FANCB: variants seen among roughly 807,000 people sequenced by gnomAD.
The protein encoded by FANCB is Fanconi anemia group B protein.
In FANCB, 5 loss-of-function variants were observed where a neutral mutation model predicts 38.9. The observed-to-expected ratio is 0.13, with a 90% CI of 0.07 to 0.27. The LOEUF is 0.27. FANCB is among the 10% of genes least tolerant of loss of function. The pLI is 1.00. For synonymous variants in FANCB, 236 were observed against 215.4 expected (o/e 1.10, Z -0.84); for missense variants, 573 against 602.7 (o/e 0.95, Z 0.52).
the FANCB span, among the ~76,000 whole-genome samples, chrX:14,812,439 G>C: frequency 9.1e-6 from 1 of 110,025 alleles, no homozygotes; most frequent in Non-Finnish European, 1.9e-5. Flanking sequence ...AAGAAGAAAA[G>C]AGAGAAGAAT....
chrX:14,810,492 C>T, the FANCB span, among the ~76,000 whole-genome samples: 1 of 112,096 alleles, frequency 8.9e-6, no homozygotes, highest in Admixed American at 9.5e-5. Flanking sequence ...GAGCTGAAAG[C>T]CAAGGCTCGA....
At chrX:14,751,364 A>G in the FANCB span, among the ~76,000 whole-genome samples, 3 of 112,466 alleles carry the variant, frequency 2.7e-5, no homozygotes, top group Non-Finnish European at 5.6e-5. Flanking sequence ...ACAAGCATAT[A>G]TTGAGCAGAA....
chrX:14,826,907 T>TA, the FANCB span, among the ~76,000 whole-genome samples: 1 of 111,987 alleles, frequency 8.9e-6, no homozygotes, highest in Admixed American at 9.5e-5. Flanking sequence ...TTCTTTTTTT[T>TA]ACATTTGAAA....
At chrX:14,711,853 T>C in the FANCB span, among the ~76,000 whole-genome samples, 1 of 112,378 alleles carries the variant, frequency 8.9e-6, no homozygotes, top group Non-Finnish European at 1.9e-5. Context: ...TTCCCTATCC[T>C]TGGAAACTTA....
At position 14,865,558 on chromosome X, in the gene FANCB, G is replaced by T; in HGVS notation, c.-48C>A. The T allele has an allele frequency of 2.1e-6, 2 of 956,505 alleles. No homozygotes were observed. Among genetic ancestry groups the T allele is most frequent in the Non-Finnish European group, 3.0e-6 (2 of 674,317 alleles). 78.8% of individuals were successfully genotyped at this position (956,505 alleles called of 1,213,427 possible). A position where few individuals can be genotyped will look rare whatever the true frequency, so the allele number is the denominator to read the frequency against. On this transcript the variant is annotated 5_prime_UTR_variant, in exon 3 of 10. Transcript: ENST00000650831. ...CTGATCTAATTTTCAAATGCAAATTGATTCCAGTTGATGTTTCTAAACCTA... is the reference window on the plus strand; with the variant it reads ...CTGATCTAATTTTCAAATGCAAATTTATTCCAGTTGATGTTTCTAAACCTA...
At chrX:14,802,269 G>A in the FANCB span, among the ~76,000 whole-genome samples, 1 of 111,420 alleles carries the variant, frequency 9.0e-6, no homozygotes, top group South Asian at 3.8e-4. Context: ...CAGGGTACAT[G>A]AAATGAATGC....
At chrX:14,740,716 T>C in the FANCB span, among the ~76,000 whole-genome samples, 15 of 111,713 alleles carry the variant, frequency 1.3e-4, no homozygotes, top group South Asian at 5.6e-3. Flanking sequence ...ATTTGGCCTA[T>C]AGACAGTACA....
At chrX:14,828,234 G>A in the FANCB span, among the ~76,000 whole-genome samples, 1 of 111,805 alleles carries the variant, frequency 8.9e-6, no homozygotes, top group African/African-American at 3.3e-5. Flanking sequence ...GCTGAATGTT[G>A]AGGTGGCTGT....
At chrX:14,727,468 C>A in the FANCB span, among the ~76,000 whole-genome samples, 5 of 112,174 alleles carry the variant, frequency 4.5e-5, no homozygotes, top group African/African-American at 1.6e-4. Flanking sequence ...TGGTTGAGAT[C>A]TAATTACCAA....
At chrX:14,701,193 C>T in the FANCB span, among the ~76,000 whole-genome samples, 2 of 110,646 alleles carry the variant, frequency 1.8e-5, no homozygotes, top group Non-Finnish European at 3.8e-5. Flanking sequence ...AATACATCAC[C>T]AGGAACCCAC....
At position 14,848,046 on chromosome X, in the gene FANCB, A is replaced by G. The variant is rs1324893478; in HGVS notation, c.1496+2459T>C. On this transcript the variant is annotated intron_variant, in intron 7 of 9. Transcript: ENST00000650831. ...CTGTAACTATTAAAGAAATTGAATC[A>G]GTAGTTAAAAGTCACCTCACAAAGA... Among the ~76,000 whole-genome samples the G allele has an allele frequency of 1.8e-5, 2 of 112,363 alleles. 1 individual carries two copies. The highest frequency in any genetic ancestry group is 1.9e-4 in the Admixed American group (2 of 10,658).
At chrX:14,821,334 A>C in the FANCB span, among the ~76,000 whole-genome samples, 1 of 111,872 alleles carries the variant, frequency 8.9e-6, no homozygotes, top group Non-Finnish European at 1.9e-5. Flanking sequence ...TATGTGTCTT[A>C]ATTACAGAAA....
At chrX:14,711,613 T>A in the FANCB span, among the ~76,000 whole-genome samples, 3 of 112,584 alleles carry the variant, frequency 2.7e-5, no homozygotes, top group South Asian at 1.1e-3. Flanking sequence ...TGCTAACATT[T>A]ATTGAGCATA....
downstream of FANCB, among the ~76,000 whole-genome samples, chrX:14,839,375 A>C (rs1409283020): frequency 9.0e-6 from 1 of 111,502 alleles, no homozygotes; most frequent in Non-Finnish European, 1.9e-5. Context: ...TCAGATATCT[A>C]AGAAACACAC....
the FANCB span, among the ~76,000 whole-genome samples, chrX:14,823,022 C>G: frequency 9.2e-6 from 1 of 108,620 alleles, no homozygotes; most frequent in Non-Finnish European, 1.9e-5. Flanking sequence ...ATTAATATCG[C>G]TATGCTAGTT....
the FANCB span, among the ~76,000 whole-genome samples, chrX:14,829,094 C>CA: frequency 0.023 from 2,516 of 111,464 alleles, 64 homozygotes; most frequent in African/African-American, 0.078. Context: ...AGATAATTTT[C>CA]AATTTACCCA....
chrX:14,844,003 A>G, intron 9 of FANCB, 22 bp from the exon 10 acceptor site: 1 of 1,179,889 alleles, frequency 8.5e-7, no homozygotes, highest in Non-Finnish European at 1.2e-6. Flanking sequence ...AAACAAACAA[A>G]ATATTACAAA....
At chrX:14,697,787 A>G in the FANCB span, among the ~76,000 whole-genome samples, 3 of 112,203 alleles carry the variant, frequency 2.7e-5, no homozygotes, top group Non-Finnish European at 5.6e-5. Context: ...CTGTACACAT[A>G]AAAAGGAAAG....
chrX:14,796,661 TACACACAC>T, the FANCB span, among the ~76,000 whole-genome samples: 1 of 87,585 alleles, frequency 1.1e-5, no homozygotes, highest in Non-Finnish European at 2.2e-5. Flanking sequence ...AGTGCATATA[TACACACAC>T]ACACACACAC....
Sources: gnomAD v4.1 joint callset for allele counts (sites outside exome capture counted in the v4.1 genomes callset) on GRCh38, gnomAD v4.1.1 for gene constraint, MANE v1.5 for transcripts, NCBI Gene and HGNC (gene_info 2026-07-23, HGNC 2026-07-21) for gene names.